Variants in COPS3 observed in about 807,000 individuals in gnomAD.
COPS3 encodes the protein COP9 signalosome complex subunit 3.
In COPS3, 10 loss-of-function variants were observed where a neutral mutation model predicts 58.2. The observed-to-expected ratio is 0.17, with a 90% confidence interval of 0.11 to 0.29. COPS3 has a LOEUF of 0.29. Ranked by LOEUF, COPS3 falls within the 10% of genes least tolerant of loss-of-function variation. The pLI, the probability that COPS3 is intolerant of heterozygous loss-of-function variation, is 1.00. For synonymous variants in COPS3, 187 were observed against 181.7 expected (o/e 1.03, Z -0.24); for missense variants, 333 against 510.1 (o/e 0.65, Z 3.34).
chr17:17,271,872 A>G (rs1187587137), intron 2 of COPS3, among the ~76,000 whole-genome samples: 3 of 137,156 alleles, frequency 2.2e-5, no homozygotes, highest in African/African-American at 5.1e-5. Flanking sequence ...ACATACACAC[A>G]CATATGTTTA....
At chr17:17,275,202 T>C (rs550105363) in intron 2 of COPS3, among the ~76,000 whole-genome samples, 1 of 151,874 alleles carries the variant, frequency 6.6e-6, no homozygotes, top group East Asian at 1.9e-4. Context: ...GCAATTCTCA[T>C]GCCTCAGCCA....
intron 10 of COPS3, 25 bp from the exon 11 acceptor site, chr17:17,247,585 T>C (rs2047750920): frequency 1.2e-6 from 2 of 1,613,198 alleles, no homozygotes; most frequent in Admixed American, 1.7e-5. Flanking sequence ...CATTAGAAGG[T>C]GGTCAGCGGC....
chr17:17,254,657 A>G (rs2047922161), intron 9 of COPS3, among the ~76,000 whole-genome samples: 1 of 151,600 alleles, frequency 6.6e-6, no homozygotes, highest in African/African-American at 2.4e-5. Flanking sequence ...TAAAAATACA[A>G]AAATTTAGCC....
At chr17:17,268,849 A>AC (rs200132228) in intron 4 of COPS3, among the ~76,000 whole-genome samples, 4,655 of 149,992 alleles carry the variant, frequency 0.031, 102 homozygotes, top group African/African-American at 0.062. Flanking sequence ...AACAACAACA[A>AC]AAATATATAT....
intron 5 of COPS3, among the ~76,000 whole-genome samples, 192 bp from the exon 6 acceptor site, chr17:17,265,173 C>T (rs184547873): frequency 1.6e-3 from 237 of 152,254 alleles, no homozygotes; most frequent in African/African-American, 5.5e-3. Context: ...ACAAGTGTTT[C>T]AAATTTTGGA....
At chr17:17,261,795 T>C (rs2048107161) in intron 7 of COPS3, 171 bp downstream of exon 7, 1 of 572,158 alleles carries the variant, frequency 1.7e-6, no homozygotes, top group Admixed American at 3.4e-5. Context: ...AAATATTCCA[T>C]TCCAATCAGG....
chr17:17,279,126 G>A (rs567597344), intron 1 of COPS3, among the ~76,000 whole-genome samples: 7 of 152,132 alleles, frequency 4.6e-5, no homozygotes, highest in African/African-American at 9.6e-5. Flanking sequence ...CGCCCGCCTC[G>A]GCCTCCCAAA....
chr17:17,263,639 G>A (rs1301848317), intron 6 of COPS3, among the ~76,000 whole-genome samples: 1 of 150,304 alleles, frequency 6.7e-6, no homozygotes, highest in Non-Finnish European at 1.5e-5. Context: ...TCAGCCTCCT[G>A]AGTAGCTAGG....
At chr17:17,263,326 G>A (rs997698428) in intron 6 of COPS3, among the ~76,000 whole-genome samples, 6 of 150,752 alleles carry the variant, frequency 4.0e-5, no homozygotes, top group Non-Finnish European at 8.8e-5. Context: ...TCAGTCTCCT[G>A]AGTAGCTGGG....
chr17:17,265,782 C>T (rs73298318), intron 5 of COPS3, among the ~76,000 whole-genome samples: 3,942 of 152,298 alleles, frequency 0.026, 184 homozygotes, highest in African/African-American at 0.09. Context: ...ACAGACAAGA[C>T]TCACTTATCT....
intron 5 of COPS3, among the ~76,000 whole-genome samples, chr17:17,265,708 T>C (rs988310834): frequency 2.0e-5 from 3 of 152,182 alleles, no homozygotes; most frequent in African/African-American, 7.2e-5. Context: ...GGAGCATTTC[T>C]TTATAAAAAG....
intron 9 of COPS3, among the ~76,000 whole-genome samples, chr17:17,252,872 T>C (rs1476280982): frequency 6.6e-6 from 1 of 152,196 alleles, no homozygotes; most frequent in Non-Finnish European, 1.5e-5. Context: ...GTGCATGTTT[T>C]GAATGGTAGG....
At chr17:17,272,431 A>T (rs1183169837) in intron 2 of COPS3, among the ~76,000 whole-genome samples, 1 of 152,182 alleles carries the variant, frequency 6.6e-6, no homozygotes, top group Non-Finnish European at 1.5e-5. Context: ...CAAAAAAAAA[A>T]ACTCCTTTAT....
chr17:17,264,697 G>T (rs371931604), intron 6 of COPS3, 105 bp downstream of exon 6: 2 of 876,248 alleles, frequency 2.3e-6, no homozygotes, highest in African/African-American at 1.7e-5. Flanking sequence ...ACCAACACCT[G>T]AAACGGAGGC....
Position 17,280,768 on chromosome 17 carries a change from G to A in COPS3, c.55+364C>T, listed in dbSNP as rs1023411310. ...GGCGGCAAAGATGACATGGCGGTGC[G>A]CCAATCACCGAAGGCAAGAGAGACA... On this transcript the variant is annotated intron_variant, in intron 1 of 11. Transcript: ENST00000268717. 5 of 1,234,062 alleles carry A rather than the reference G, an allele frequency of 4.1e-6. No individual in the cohort carries two copies. In the East Asian group the frequency reaches 1.6e-4, roughly 40 times the overall value. 76.4% of individuals were successfully genotyped at this position (1,234,062 alleles called of 1,614,324 possible).
At chr17:17,250,321 C>A (rs1031412589) in intron 9 of COPS3, among the ~76,000 whole-genome samples, 1 of 137,408 alleles carries the variant, frequency 7.3e-6, no homozygotes, top group African/African-American at 2.7e-5. Flanking sequence ...GTGGCTTGAT[C>A]TCTGCTCACT....
chr17:17,250,252 G>A (rs2047812358), intron 9 of COPS3, among the ~76,000 whole-genome samples: 1 of 134,038 alleles, frequency 7.5e-6, no homozygotes, highest in South Asian at 2.4e-4. Flanking sequence ...AACTTACATC[G>A]CCTTTTTTTT....
chr17:17,254,828 A>AAG (rs1480306996), intron 9 of COPS3, 31 bp downstream of exon 9: 6 of 1,407,234 alleles, frequency 4.3e-6, no homozygotes, highest in East Asian at 2.4e-5. Context: ...AAAAAAAAAA[A>AAG]AAAAGAAAAA....
chr17:17,273,457 A>G (rs978079360), intron 2 of COPS3, among the ~76,000 whole-genome samples: 2 of 152,138 alleles, frequency 1.3e-5, no homozygotes, highest in African/African-American at 4.8e-5. Flanking sequence ...TATATGAAAG[A>G]GCAGATGCTG....
Sources: gnomAD v4.1 joint callset for allele counts (sites outside exome capture counted in the v4.1 genomes callset) on GRCh38, gnomAD v4.1.1 for gene constraint, MANE v1.5 for transcripts, NCBI Gene and HGNC (gene_info 2026-07-23, HGNC 2026-07-21) for gene names.